PMPCB: variants seen among roughly 807,000 people sequenced by gnomAD.
The protein encoded by PMPCB is mitochondrial-processing peptidase subunit beta.
In PMPCB, 46 loss-of-function variants were observed where a neutral mutation model predicts 61.5. The observed-to-expected ratio is 0.75, with a 90% CI of 0.59 to 0.96. PMPCB has a LOEUF of 0.96. Among genes scored for constraint, PMPCB ranks in the 40% least tolerant of loss-of-function variants. The pLI, the probability that PMPCB is intolerant of heterozygous loss-of-function variation, is 0.00. For synonymous variants in PMPCB, 191 were observed against 201.6 expected (o/e 0.95, Z 0.44); for missense variants, 590 against 602.4 (o/e 0.98, Z 0.22).
At chr7:103,307,558 C>A in intron 6 of PMPCB, 38 bp from the exon 7 acceptor site, 1 of 1,177,164 alleles carries the variant, frequency 8.5e-7, no homozygotes, top group Non-Finnish European at 1.3e-6. Flanking sequence ...AACTATATTG[C>A]TGCTAGATAC....
rs528158073 is a variant in PMPCB at position 103,312,080 on chromosome 7, G to A, written c.1354G>A (p.Glu452Lys). 1.6e-5 allele frequency: 26 copies of A among 1,613,904 alleles called. No homozygotes were observed. In the East Asian group the frequency reaches 4.5e-4, roughly 28 times the overall value. Residue 452 changes from glutamate (E) to lysine (K), a missense_variant, in exon 12 of 13, where the codon GAA becomes AAA. By Grantham distance (56) the Glu-to-Lys change is moderately conservative (BLOSUM62 1). Coordinates refer to ENST00000249269, the MANE Select transcript of PMPCB (RefSeq NM_004279.3). Reference protein sequence around the residue: ...IDAVNAETIREVCTKYIYNRS... With the variant: ...IDAVNAETIRKVCTKYIYNRS... ...GGCTGTGAATGCTGAGACAATTCGA[G>A]AAGTATGTACCAAATACATTTATAA...
At chr7:103,340,681 G>A in the PMPCB span, among the ~76,000 whole-genome samples, 3 of 152,124 alleles carry the variant, frequency 2.0e-5, no homozygotes, top group Non-Finnish European at 2.9e-5. Context: ...CACAGCATAC[G>A]CATTTAACTA....
chr7:103,303,808 C>A, intron 4 of PMPCB, 34 bp from the exon 5 acceptor site: 1 of 1,468,238 alleles, frequency 6.8e-7, no homozygotes, highest in Non-Finnish European at 9.3e-7. Context: ...GTTAAGATTG[C>A]TGGCACGTTT....
downstream of PMPCB, among the ~76,000 whole-genome samples, chr7:103,332,427 T>C (rs1365042006): frequency 6.6e-6 from 1 of 152,216 alleles, no homozygotes; most frequent in Non-Finnish European, 1.5e-5. Context: ...CATTAAACTT[T>C]ACAACTTAAC....
chr7:103,324,616 T>A (rs1818602336), intron 12 of PMPCB: 1 of 1,303,156 alleles, frequency 7.7e-7, no homozygotes, highest in South Asian at 1.7e-5. Context: ...TGTACAACAG[T>A]TCAACAAACA....
chr7:103,336,342 A>G, the PMPCB span: 5 of 152,188 alleles, frequency 3.3e-5, no homozygotes, highest in Non-Finnish European at 7.3e-5. Context: ...TGGTATTTGT[A>G]TGCTATTCTA....
chr7:103,346,859 C>T, the PMPCB span, among the ~76,000 whole-genome samples: 1 of 148,176 alleles, frequency 6.7e-6, no homozygotes, highest in Non-Finnish European at 1.5e-5. Context: ...TGTGTGAGCG[C>T]GCATGCGTGT....
the PMPCB span, chr7:103,335,538 CTT>C: frequency 2.9e-4 from 40 of 140,002 alleles, no homozygotes; most frequent in Non-Finnish European, 2.7e-4. Context: ...TTCTTTCTTT[CTT>C]TTTTTTTTTT....
rs772048930 is a variant in PMPCB, at chr7:103,311,682, A to G, written c.1194A>G (p.Ala398=). The change falls in exon 10 of 13, where the codon GCA becomes GCG. Residue 398 remains alanine, a synonymous_variant. Coordinates refer to ENST00000249269, the MANE Select transcript of PMPCB (RefSeq NM_004279.3). ...LCTSVTESEV[A]RARNLLKTNM... is the part of the protein sequence containing the mutation. ...CAAGTGTCACAGAAAGTGAGGTTGC[A>G]CGAGCCAGAAATCTTCTGAAAACAA... is the stretch of plus-strand genomic sequence containing the variant. The G allele has an allele frequency of 1.9e-6, 3 of 1,614,114 alleles. No individual in the cohort carries two copies. The highest frequency in any genetic ancestry group is 2.5e-6 in the Non-Finnish European group (3 of 1,179,952).
Position 103,304,938 on chromosome 7 carries a change from G to A in PMPCB, c.736+448G>A, listed in dbSNP as rs535247204. Among the ~76,000 whole-genome samples, 5 of 151,392 alleles carry A rather than the reference G, an allele frequency of 3.3e-5. No homozygotes were observed. In the South Asian group the frequency reaches 1.0e-3, roughly 32 times the overall value. ...TGCACCACTGCACTCCAGCGTGGGC[G>A]ACAGAGTGAGACTGTCTCAAAAAAA... On this transcript the variant is annotated intron_variant, in intron 6 of 12. Transcript: ENST00000249269.
intron 12 of PMPCB, among the ~76,000 whole-genome samples, chr7:103,321,712 G>T (rs1342658049): frequency 6.6e-6 from 1 of 152,044 alleles, no homozygotes; most frequent in East Asian, 1.9e-4. Context: ...AGCCAGGCGT[G>T]GTGGCACACG....
the PMPCB span, among the ~76,000 whole-genome samples, chr7:103,343,562 C>T: frequency 6.6e-6 from 1 of 152,194 alleles, no homozygotes; most frequent in African/African-American, 2.4e-5. Context: ...TTATCTCATT[C>T]AGTTCCTAGG....
Position 103,304,056 on chromosome 7 carries a change from T to C in PMPCB, c.656+16T>C, listed in dbSNP as rs1267816612. ...AAAATATCAAGTAGGTATAACAGAA[T>C]TTCTTGGTGTATAAGGGAATTTATG... On this transcript the variant is annotated intron_variant, in intron 5 of 12. Transcript: ENST00000249269. 13 of 1,551,134 alleles carry C rather than the reference T, an allele frequency of 8.4e-6. No homozygotes were observed. The highest frequency in any genetic ancestry group is 6.8e-5 in the Admixed American group (4 of 58,902).
chr7:103,337,692 C>A, the PMPCB span: 1 of 1,452,850 alleles, frequency 6.9e-7, no homozygotes, highest in South Asian at 1.2e-5. Flanking sequence ...CCAGCCTGTT[C>A]CTATACAAGA....
At position 103,313,307 on chromosome 7, in the gene PMPCB, T is replaced by C; in HGVS notation, c.*1036T>C. On this transcript the variant is annotated 3_prime_UTR_variant, in exon 13 of 13. Coordinates refer to ENST00000249269, the MANE Select transcript of PMPCB (RefSeq NM_004279.3). The stretch of plus-strand genomic sequence containing the variant: ...ATAGCTCACATCCCAGAAAATAAAA[T>C]CTCAAAGGCTTTTAAAACACAATAG... 1 of 1,317,990 alleles carries C rather than the reference T, an allele frequency of 7.6e-7. No individual in the cohort carries two copies. Among genetic ancestry groups the C allele is most frequent in the East Asian group, 3.0e-5 (1 of 33,710 alleles). 81.6% of individuals were successfully genotyped at this position (1,317,990 alleles called of 1,614,324 possible).
intron 7 of PMPCB, among the ~76,000 whole-genome samples, chr7:103,308,276 A>AG (rs1817640627): frequency 6.6e-6 from 1 of 152,236 alleles, no homozygotes; most frequent in East Asian, 1.9e-4. Flanking sequence ...GAACTGTAGC[A>AG]TTGGCAGTAC....
chr7:103,316,567 A>G, downstream of PMPCB: 1 of 416,650 alleles, frequency 2.4e-6, no homozygotes, highest in African/African-American at 2.0e-5. Context: ...ATGACAGAGT[A>G]AGCCAACATA....
intron 8 of PMPCB, 100 bp downstream of exon 8, chr7:103,309,195 TAG>T (rs1435897302): frequency 6.3e-6 from 6 of 944,960 alleles, no homozygotes; most frequent in East Asian, 2.8e-5. Flanking sequence ...AGTGGCAGAA[TAG>T]AGTCTTGTAC....
downstream of PMPCB, chr7:103,319,507 CA>C: frequency 9.2e-7 from 1 of 1,086,712 alleles, no homozygotes; most frequent in Admixed American, 2.2e-5. Flanking sequence ...AAAGAGAAAT[CA>C]GATACTCCCT....
Sources: allele counts gnomAD v4.1 joint callset (sites outside exome capture counted in the v4.1 genomes callset), GRCh38; gene constraint gnomAD v4.1.1; transcripts MANE v1.5; gene names NCBI Gene and HGNC (gene_info 2026-07-23, HGNC 2026-07-21).